Variants in SEMA6D observed in about 807,000 individuals in gnomAD.
SEMA6D encodes the protein semaphorin-6D.
A neutral mutation model predicts 106.6 loss-of-function variants in SEMA6D; 35 were observed. The observed-to-expected ratio is 0.33, with a 90% confidence interval of 0.25 to 0.44. The LOEUF (loss-of-function observed/expected upper bound fraction) is 0.44, where lower values mean the gene tolerates loss of function less well. SEMA6D is among the 20% of genes least tolerant of loss of function. SEMA6D has a pLI of 1.00. For synonymous variants in SEMA6D, 499 were observed against 487.7 expected (o/e 1.02, Z -0.31); for missense variants, 1,185 against 1,345.9 (o/e 0.88, Z 1.87).
At chr15:47,232,993 T>C (rs2032307172) in intron 1 of SEMA6D, among the ~76,000 whole-genome samples, 1 of 152,016 alleles carries the variant, frequency 6.6e-6, no homozygotes, top group Non-Finnish European at 1.5e-5. Context: ...ATGTTTGGTG[T>C]CATATTTAAG....
intron 3 of SEMA6D, among the ~76,000 whole-genome samples, chr15:47,564,988 T>C (rs1013237910): frequency 2.6e-5 from 4 of 152,142 alleles, no homozygotes; most frequent in Admixed American, 1.3e-4. Flanking sequence ...CCCTTTTCAG[T>C]TCCCTTTCCC....
chr15:47,214,199 C>T (rs1595750721), intron 1 of SEMA6D, among the ~76,000 whole-genome samples: 1 of 152,094 alleles, frequency 6.6e-6, no homozygotes, highest in African/African-American at 2.4e-5. Context: ...AATTAGATGG[C>T]AGTGATTTAG....
intron 3 of SEMA6D, among the ~76,000 whole-genome samples, chr15:47,486,572 A>G (rs944739821): frequency 1.3e-5 from 2 of 152,226 alleles, no homozygotes; most frequent in African/African-American, 2.4e-5. Flanking sequence ...ACTACAATGA[A>G]GAAAACAGAC....
In SEMA6D at chr15:47,771,575, C is replaced by A. The variant is rs145861068; in HGVS notation, c.3012C>A (p.Pro1004=). The change falls in exon 19 of 19, where the codon CCC becomes CCA. Residue 1004 remains proline (P), a synonymous_variant. Coordinates refer to ENST00000536845, the MANE Select transcript of SEMA6D (RefSeq NM_001358351.3). ...ACCGTGGAGGATATATGCCCACCCC[C>A]ACTGGGGCGAAGGTGGACTATATTC... is the stretch of plus-strand genomic sequence containing the variant. ...SMNRGGYMPT[P]TGAKVDYIQG... is the part of the protein sequence containing the mutation. The A allele has an allele frequency of 1.9e-6, 3 of 1,614,124 alleles. No individual in the cohort carries two copies. The highest frequency in any genetic ancestry group is 2.2e-5 in the East Asian group (1 of 44,876).
chr15:47,470,268 C>T (rs373624756), intron 2 of SEMA6D, among the ~76,000 whole-genome samples: 34 of 152,168 alleles, frequency 2.2e-4, no homozygotes, highest in African/African-American at 7.5e-4. Flanking sequence ...TTTGTCAGGC[C>T]CTGGTCAGCA....
intron 4 of SEMA6D, among the ~76,000 whole-genome samples, chr15:47,684,278 T>C (rs1289017997): frequency 6.6e-6 from 1 of 152,038 alleles, no homozygotes; most frequent in African/African-American, 2.4e-5. Context: ...ATAAAAAAAT[T>C]AACAACAATA....
chr15:47,493,801 T>A (rs1196532160), intron 3 of SEMA6D, among the ~76,000 whole-genome samples: 2 of 152,156 alleles, frequency 1.3e-5, no homozygotes, highest in Non-Finnish European at 2.9e-5. Flanking sequence ...CCTCACTCCA[T>A]AATTCATACT....
chr15:47,498,271 C>T (rs2043736030), intron 3 of SEMA6D, among the ~76,000 whole-genome samples: 1 of 152,104 alleles, frequency 6.6e-6, no homozygotes, highest in Admixed American at 6.6e-5. Flanking sequence ...GCAATGGGGA[C>T]AGTAGAACTT....
intron 1 of SEMA6D, among the ~76,000 whole-genome samples, chr15:47,258,076 T>C (rs566048600): frequency 6.6e-6 from 1 of 152,342 alleles, no homozygotes; most frequent in South Asian, 2.1e-4. Flanking sequence ...TTGATTAATG[T>C]TTATATATCT....
At chr15:47,408,299 A>G (rs1375854261) in intron 1 of SEMA6D, among the ~76,000 whole-genome samples, 3 of 152,200 alleles carry the variant, frequency 2.0e-5, no homozygotes, top group Non-Finnish European at 4.4e-5. Flanking sequence ...GGGCATAATA[A>G]TGTATCTACT....
intron 3 of SEMA6D, among the ~76,000 whole-genome samples, chr15:47,551,673 C>CTGTGTGTGTGTGTGTGTGTG (rs3050565): frequency 0.24 from 33,700 of 141,002 alleles, 4,418 homozygotes; most frequent in Non-Finnish European, 0.27. Context: ...ATCTGGGACT[C>CTGTGTGTGTGTGTGTGTGTG]TGTGTGTGTG....
chr15:47,304,150 C>A (rs2036132755), intron 1 of SEMA6D, among the ~76,000 whole-genome samples: 1 of 151,988 alleles, frequency 6.6e-6, no homozygotes, highest in African/African-American at 2.4e-5. Context: ...ATAAGTAGCA[C>A]CTCTGGTAAT....
At chr15:47,718,209 T>G (rs2079203466) in intron 1 of SEMA6D, among the ~76,000 whole-genome samples, 3 of 152,296 alleles carry the variant, frequency 2.0e-5, no homozygotes, top group African/African-American at 7.2e-5. Context: ...AGGAGCCGCC[T>G]GCGGGCTTAG....
intron 3 of SEMA6D, among the ~76,000 whole-genome samples, chr15:47,521,849 G>A (rs976964481): frequency 1.3e-5 from 2 of 152,144 alleles, no homozygotes; most frequent in East Asian, 1.9e-4. Flanking sequence ...GCCGGGCATG[G>A]TGGTGGGCGC....
At chr15:47,254,275 A>T (rs1015671676) in intron 1 of SEMA6D, among the ~76,000 whole-genome samples, 32 of 148,784 alleles carry the variant, frequency 2.2e-4, no homozygotes, top group African/African-American at 6.8e-4. Flanking sequence ...ATACACACAC[A>T]TATATGAGTG....
Position 47,356,426 on chromosome 15 carries a change from C to T in SEMA6D, c.-238-55967C>T, listed in dbSNP as rs151192978. Among the ~76,000 whole-genome samples the T allele has an allele frequency of 1.6e-3, 238 of 152,184 alleles. 10 individuals carry two copies. In the East Asian group the frequency reaches 0.041, roughly 26 times the overall value. On this transcript the variant is annotated intron_variant, in intron 1 of 19. Coordinates refer to the SEMA6D transcript ENST00000558014. ...GTACACCTGGAGGCACAAATGAGAGCACAGTTAAAGCTGGGAAAAATCAGA... is the reference window on the plus strand; with the variant it reads ...GTACACCTGGAGGCACAAATGAGAGTACAGTTAAAGCTGGGAAAAATCAGA...
intron 17 of SEMA6D, 32 bp downstream of exon 17, chr15:47,767,125 A>T (rs750630275): frequency 2.8e-6 from 4 of 1,417,330 alleles, no homozygotes; most frequent in Non-Finnish European, 3.9e-6. Context: ...TGAATTAACA[A>T]CCTTTTCTTT....
intron 1 of SEMA6D, among the ~76,000 whole-genome samples, chr15:47,267,018 C>T (rs1483709411): frequency 6.6e-6 from 1 of 152,148 alleles, no homozygotes; most frequent in Non-Finnish European, 1.5e-5. Flanking sequence ...CATGCCAAAG[C>T]AGAAACATCT....
intron 1 of SEMA6D, among the ~76,000 whole-genome samples, chr15:47,749,222 C>A (rs912563591): frequency 2.0e-5 from 3 of 151,806 alleles, no homozygotes; most frequent in African/African-American, 7.3e-5. Context: ...GCTGGGATTA[C>A]AGGCACACAG....
Sources: gnomAD v4.1 joint callset for allele counts (sites outside exome capture counted in the v4.1 genomes callset) on GRCh38, gnomAD v4.1.1 for gene constraint, MANE v1.5 for transcripts, NCBI Gene and HGNC (gene_info 2026-07-23, HGNC 2026-07-21) for gene names.